NAV2: variants seen among roughly 807,000 people sequenced by gnomAD.
NAV2 encodes the protein neuron navigator 2.
A neutral mutation model predicts 223.2 loss-of-function variants in NAV2; 54 were observed. The ratio of observed to expected loss-of-function variants is 0.24; its 90% CI spans 0.19 to 0.30. The LOEUF (loss-of-function observed/expected upper bound fraction) is 0.30. Ranked by LOEUF, NAV2 falls within the 10% of genes least tolerant of loss-of-function variation. The pLI is 1.00. For synonymous variants in NAV2, 1,279 were observed against 1,239.3 expected, an observed-to-expected ratio of 1.03 and a Z score of -0.67; for missense variants, 2,806 against 3,147.5, an observed-to-expected ratio of 0.89 and a Z score of 2.60.
At chr11:19,941,500 G>T (rs147813319) in intron 8 of NAV2, among the ~76,000 whole-genome samples, 1 of 127,822 alleles carries the variant, frequency 7.8e-6, no homozygotes, top group East Asian at 2.8e-4. Flanking sequence ...CCTTTGAAAT[G>T]ACAGTGCATG....
At position 19,870,686 on chromosome 11, in the gene NAV2, T is replaced by C. The variant is rs559852231; in HGVS notation, c.511+1689T>C. ...ATTGTACTTTGCAGGATTTTATCTGTATTGGCTTCAGTTCTCACAACTAAA... is the reference window on the plus strand; with the variant it reads ...ATTGTACTTTGCAGGATTTTATCTGCATTGGCTTCAGTTCTCACAACTAAA... On this transcript the variant is annotated intron_variant, in intron 4 of 37. Transcript: ENST00000349880. Among the ~76,000 whole-genome samples the C allele has an allele frequency of 7.2e-5, 11 of 152,322 alleles. No homozygotes were observed. In the South Asian group the frequency reaches 2.3e-3, roughly 32 times the overall value.
chr11:19,787,139 G>A (rs1454059625), intron 1 of NAV2, among the ~76,000 whole-genome samples: 2 of 151,966 alleles, frequency 1.3e-5, no homozygotes, highest in East Asian at 1.9e-4. Context: ...CACCCAGGCT[G>A]GGGTGCAGTG....
At chr11:19,522,160 C>T (rs1308231343) in intron 1 of NAV2, among the ~76,000 whole-genome samples, 1 of 152,238 alleles carries the variant, frequency 6.6e-6, no homozygotes, top group East Asian at 1.9e-4. Flanking sequence ...TTGCCTTCCT[C>T]AAGGATGGCT....
intron 1 of NAV2, among the ~76,000 whole-genome samples, chr11:19,632,068 G>A (rs2047361922): frequency 6.6e-6 from 1 of 152,198 alleles, no homozygotes; most frequent in Non-Finnish European, 1.5e-5. Flanking sequence ...GCAGGGTGGG[G>A]GTGTGGGGAA....
At chr11:19,439,849 C>G (rs1428779368) in intron 1 of NAV2, among the ~76,000 whole-genome samples, 1 of 152,210 alleles carries the variant, frequency 6.6e-6, no homozygotes, top group Non-Finnish European at 1.5e-5. Context: ...GTGATTTAAT[C>G]TTCCATTCAT....
At chr11:19,905,003 C>T (rs2042752016) in intron 6 of NAV2, among the ~76,000 whole-genome samples, 1 of 152,132 alleles carries the variant, frequency 6.6e-6, no homozygotes, top group Non-Finnish European at 1.5e-5. Context: ...ACACATATCC[C>T]CACAGTTTAT....
chr11:19,698,844 G>C (rs545141611), intron 1 of NAV2, among the ~76,000 whole-genome samples: 1 of 152,230 alleles, frequency 6.6e-6, no homozygotes, highest in African/African-American at 2.4e-5. Context: ...GTGTGTATGT[G>C]TGTGTGTAGG....
Position 20,043,997 on chromosome 11 carries a change from A to G in NAV2, c.2924A>G (p.His975Arg). Residue 975 changes from histidine to arginine, a missense_variant, in exon 13 of 38, where the codon CAC (histidine) becomes CGC (arginine). This residue lies in a region of NAV2 where 73 missense variants were observed against 119.7 expected (regional missense o/e 0.61). Transcript: ENST00000349880. ...TGTCCACAGACTGATGCTGAGAAGC[A>G]CTCACAGGTGGAGAGGAATTCCCTG... ...NLDVQTDAEK[H>R]SQVERNSLWS... is the part of the protein sequence containing the mutation. 2 of 1,613,978 alleles carry G rather than the reference A, an allele frequency of 1.2e-6. No homozygotes were observed. Among genetic ancestry groups the G allele is most frequent in the Non-Finnish European group, 1.7e-6 (2 of 1,179,842 alleles).
intron 1 of NAV2, among the ~76,000 whole-genome samples, chr11:19,488,977 G>T (rs1177210134): frequency 6.6e-6 from 1 of 152,174 alleles, no homozygotes; most frequent in Non-Finnish European, 1.5e-5. Context: ...GAGTCACTTG[G>T]ACAGACAGTG....
chr11:19,560,105 T>A (rs889595792), intron 1 of NAV2, among the ~76,000 whole-genome samples: 8 of 152,204 alleles, frequency 5.3e-5, no homozygotes, highest in African/African-American at 1.9e-4. Flanking sequence ...AATTAGCTTT[T>A]TGTTGAAGCT....
chr11:19,494,689 T>C (rs142465486), intron 1 of NAV2, among the ~76,000 whole-genome samples: 63 of 152,274 alleles, frequency 4.1e-4, no homozygotes, highest in African/African-American at 1.5e-3. Flanking sequence ...GTTTCCTGAG[T>C]CTCTGGAAGA....
intron 26 of NAV2, among the ~76,000 whole-genome samples, chr11:20,083,893 G>T (rs12293338): frequency 6.6e-6 from 1 of 152,150 alleles, no homozygotes; most frequent in South Asian, 2.1e-4. Context: ...GGTCTGTGCC[G>T]CTGACCCTAA....
At chr11:20,038,265 C>T (rs2056587273) in intron 12 of NAV2, among the ~76,000 whole-genome samples, 1 of 152,184 alleles carries the variant, frequency 6.6e-6, no homozygotes, top group South Asian at 2.1e-4. Context: ...TCTGCACAAA[C>T]ATGCCTTTTG....
intron 1 of NAV2, among the ~76,000 whole-genome samples, chr11:19,635,822 C>T (rs2047482947): frequency 6.6e-6 from 1 of 152,208 alleles, no homozygotes; most frequent in Non-Finnish European, 1.5e-5. Flanking sequence ...GGCAATTAAA[C>T]TTCAGCATGA....
chr11:19,933,501 G>A lies in NAV2; in HGVS notation c.1257G>A (p.Gly419=). The change falls in exon 7 of 38, where the codon GGG becomes GGA. Residue 419 remains glycine, a synonymous_variant. Coordinates refer to ENST00000349880, the MANE Select transcript of NAV2 (RefSeq NM_145117.5). The surrounding 1 kb of genome is among the most constrained non-coding windows in gnomAD (Gnocchi z 4.3). ...AAGGGGGCTCAAAGGCAGGTGAGGG[G>A]CCGGGGTCCCGGGACACAAGCTGTG... ...NSKGGSKAGE[G]PGSRDTSCER... 2 of 1,611,064 alleles carry A rather than the reference G, an allele frequency of 1.2e-6. No individual in the cohort carries two copies. Among genetic ancestry groups the A allele is most frequent in the Non-Finnish European group, 8.5e-7 (1 of 1,178,778 alleles).
At chr11:20,110,252 C>A (rs2062506050) in intron 36 of NAV2, among the ~76,000 whole-genome samples, 1 of 152,220 alleles carries the variant, frequency 6.6e-6, no homozygotes, top group South Asian at 2.1e-4. Context: ...GAGTTTGCAT[C>A]CCACTAAGTG....
intron 1 of NAV2, among the ~76,000 whole-genome samples, chr11:19,773,345 C>T (rs576637980): frequency 3.7e-4 from 57 of 152,242 alleles, no homozygotes; most frequent in African/African-American, 1.3e-3. Context: ...GGGGTCAGCC[C>T]CACCAGGGGC....
chr11:20,058,694 C>T (rs188242254), intron 19 of NAV2, among the ~76,000 whole-genome samples: 8 of 152,328 alleles, frequency 5.3e-5, no homozygotes, highest in Admixed American at 1.3e-4. Context: ...GGTTCAAATC[C>T]TGGCACCTCT....
chr11:20,086,584 A>G (rs2060462420), intron 26 of NAV2, among the ~76,000 whole-genome samples: 1 of 151,934 alleles, frequency 6.6e-6, no homozygotes, highest in Non-Finnish European at 1.5e-5. Flanking sequence ...CCCCCACCCC[A>G]ACCCCAGATC....
Sources: gnomAD v4.1 joint callset for allele counts (sites outside exome capture counted in the v4.1 genomes callset) on GRCh38, gnomAD v4.1.1 for gene constraint, gnomAD v4.1.1 regional missense constraint, Gnocchi (gnomAD v3.1) non-coding constraint, MANE v1.5 for transcripts, NCBI Gene and HGNC (gene_info 2026-07-23, HGNC 2026-07-21) for gene names.